Variants in NOVA1 observed in about 807,000 individuals in gnomAD.
The protein encoded by NOVA1 is NOVA alternative splicing regulator 1.
A neutral mutation model predicts 38.0 loss-of-function variants in NOVA1; 7 were observed. That is an observed-to-expected ratio of 0.18 (90% confidence interval 0.10 to 0.35). NOVA1 has a LOEUF of 0.35. Ranked by LOEUF, NOVA1 falls within the 10% of genes least tolerant of loss-of-function variation. The pLI is 1.00. For synonymous variants in NOVA1, 270 were observed against 232.5 expected (o/e 1.16, Z -1.47); for missense variants, 460 against 616.0 (o/e 0.75, Z 2.68).
chr14:26,567,370 A>C (rs1159088625), intron 2 of NOVA1, among the ~76,000 whole-genome samples: 1 of 136,114 alleles, frequency 7.3e-6, no homozygotes, highest in Non-Finnish European at 1.5e-5. Flanking sequence ...ATCTTGGCTC[A>C]CTGCAGCCCC....
rs747279869 is a variant in NOVA1 at position 26,448,982 on chromosome 14, C to T, written c.520-19G>A. Reference sequence around the variant, plus strand: ...TCTTTACCTGTAATTAAAAAAAATACGTATAAATAATACTTCTGTTTTGTG... The same window carrying T: ...TCTTTACCTGTAATTAAAAAAAATATGTATAAATAATACTTCTGTTTTGTG... On this transcript the variant is annotated intron_variant, in intron 4 of 4. Transcript: ENST00000539517. The surrounding 1 kb of genome is among the most constrained non-coding windows in gnomAD (Gnocchi z 5.3). 1.8e-5 allele frequency: 29 copies of T among 1,576,510 alleles called. No homozygotes were observed. The highest frequency in any genetic ancestry group is 5.5e-5 in the African/African-American group (4 of 73,036).
chr14:26,495,733 G>C (rs1283720661), intron 2 of NOVA1, among the ~76,000 whole-genome samples: 1 of 147,648 alleles, frequency 6.8e-6, no homozygotes, highest in Non-Finnish European at 1.5e-5. Context: ...ACCTATGAGT[G>C]AGAATATGCG....
intron 2 of NOVA1, among the ~76,000 whole-genome samples, chr14:26,548,591 T>C (rs1215643030): frequency 6.6e-6 from 1 of 152,156 alleles, no homozygotes; most frequent in Non-Finnish European, 1.5e-5. Context: ...TTCCTTATCA[T>C]GTTGTGTAAC....
chr14:26,549,492 A>T (rs1178302554), intron 2 of NOVA1: 3 of 185,182 alleles, frequency 1.6e-5, no homozygotes, highest in Non-Finnish European at 3.6e-5. Flanking sequence ...TAGAATAAAA[A>T]GGAGTGCATC....
At chr14:26,501,416 A>G (rs1348770260) in intron 2 of NOVA1, among the ~76,000 whole-genome samples, 2 of 152,030 alleles carry the variant, frequency 1.3e-5, no homozygotes, top group African/African-American at 4.8e-5. Flanking sequence ...CTCATCTTCA[A>G]ATATATGTGT....
intron 3 of NOVA1, among the ~76,000 whole-genome samples, chr14:26,475,226 C>T (rs912323699): frequency 6.6e-6 from 1 of 151,948 alleles, no homozygotes; most frequent in Non-Finnish European, 1.5e-5. Context: ...CAGACAGGGT[C>T]TCGCTTTGTT....
chr14:26,454,138 G>A (rs143573735), intron 4 of NOVA1, among the ~76,000 whole-genome samples: 1 of 151,868 alleles, frequency 6.6e-6, no homozygotes, highest in East Asian at 1.9e-4. Context: ...ATACACTAAT[G>A]ATAGCTGAAG....
At chr14:26,545,360 A>C (rs138049267) in intron 2 of NOVA1, among the ~76,000 whole-genome samples, 106 of 152,264 alleles carry the variant, frequency 7.0e-4, no homozygotes, top group African/African-American at 2.2e-3. Context: ...ATAGTAGCCT[A>C]GGGATAAAGG....
intron 4 of NOVA1, among the ~76,000 whole-genome samples, chr14:26,457,685 T>G (rs1224325912): frequency 6.6e-6 from 1 of 152,128 alleles, no homozygotes; most frequent in Admixed American, 6.6e-5. Context: ...TTATCATTAT[T>G]CTAGACTGTA....
chr14:26,470,438 G>A (rs752487585), intron 4 of NOVA1: 18 of 1,548,036 alleles, frequency 1.2e-5, no homozygotes, highest in Non-Finnish European at 1.6e-5. Context: ...TACGGATTTT[G>A]TTTTGTTCTT....
At chr14:26,460,148 C>A (rs1883531224) in intron 4 of NOVA1, among the ~76,000 whole-genome samples, 1 of 151,834 alleles carries the variant, frequency 6.6e-6, no homozygotes, top group African/African-American at 2.4e-5. Flanking sequence ...ATTAATTTGG[C>A]CTCCAGCTAC....
intron 2 of NOVA1, among the ~76,000 whole-genome samples, chr14:26,481,015 T>C (rs941094881): frequency 2.6e-5 from 4 of 152,082 alleles, no homozygotes; most frequent in Non-Finnish European, 4.4e-5. Flanking sequence ...ACAGGTCGTA[T>C]CACCTATTTT....
At chr14:26,466,640 G>A (rs1244555499) in intron 4 of NOVA1, among the ~76,000 whole-genome samples, 1 of 152,176 alleles carries the variant, frequency 6.6e-6, no homozygotes, top group African/African-American at 2.4e-5. Context: ...GGTTGCTATG[G>A]TTAAAATGTT....
At chr14:26,583,598 T>A (rs543637804) in intron 2 of NOVA1, among the ~76,000 whole-genome samples, 1 of 151,606 alleles carries the variant, frequency 6.6e-6, no homozygotes, top group Non-Finnish European at 1.5e-5. Context: ...AAATGCAAGA[T>A]AGATTTTTAA....
chr14:26,596,376 G>A (rs780292420), intron 1 of NOVA1, among the ~76,000 whole-genome samples: 1 of 152,066 alleles, frequency 6.6e-6, no homozygotes, highest in African/African-American at 2.4e-5. Flanking sequence ...GGAAGAACCA[G>A]GAAAAATAAA....
At chr14:26,485,715 C>T (rs1480209307) in intron 2 of NOVA1, among the ~76,000 whole-genome samples, 1 of 152,042 alleles carries the variant, frequency 6.6e-6, no homozygotes, top group Non-Finnish European at 1.5e-5. Flanking sequence ...AGTGAACATT[C>T]TGTTCATATA....
intron 2 of NOVA1, among the ~76,000 whole-genome samples, chr14:26,524,630 A>T (rs991415489): frequency 1.3e-5 from 2 of 152,188 alleles, no homozygotes; most frequent in African/African-American, 4.8e-5. Context: ...AGGATTAATA[A>T]CAAAGAATGT....
At chr14:26,453,975 G>A (rs1290059389) in intron 4 of NOVA1, among the ~76,000 whole-genome samples, 1 of 152,052 alleles carries the variant, frequency 6.6e-6, no homozygotes, top group Non-Finnish European at 1.5e-5. Context: ...TGGCAACAGA[G>A]CCCCTGTTTT....
Position 26,568,796 on chromosome 14 carries a change from C to T in NOVA1, c.280+26614G>A, listed in dbSNP as rs142152055. Among the ~76,000 whole-genome samples, 334 of 152,266 alleles carry T rather than the reference C, an allele frequency of 2.2e-3. 3 individuals carry two copies. The highest frequency in any genetic ancestry group is 7.6e-3 in the African/African-American group (317 of 41,568). Reference sequence around the variant, plus strand: ...GATGAGAATCCCCAGTAAATACTAACTTTAACCAGCTATGCTGTCATTGTA... The same window carrying T: ...GATGAGAATCCCCAGTAAATACTAATTTTAACCAGCTATGCTGTCATTGTA... On this transcript the variant is annotated intron_variant, in intron 2 of 4. Transcript: ENST00000539517.
Sources: gnomAD v4.1 joint callset for allele counts (sites outside exome capture counted in the v4.1 genomes callset) on GRCh38, gnomAD v4.1.1 for gene constraint, Gnocchi (gnomAD v3.1) non-coding constraint, MANE v1.5 for transcripts, NCBI Gene and HGNC (gene_info 2026-07-23, HGNC 2026-07-21) for gene names.